Variants in DOCK1 observed in about 807,000 individuals in gnomAD.
DOCK1 encodes the protein dedicator of cytokinesis 1, also known as dedicator of cytokinesis protein 1.
A neutral mutation model predicts 262.7 loss-of-function variants in DOCK1; 138 were observed. That is an observed-to-expected ratio of 0.53 (90% CI 0.46 to 0.61). The LOEUF is 0.61. DOCK1 is among the 20% of genes least tolerant of loss of function. The probability of loss-of-function intolerance (pLI) is 0.00; values close to 1 mark genes in which losing one functional copy is unlikely to be tolerated. For missense variants in DOCK1, 1,908 were observed against 2,370.7 expected (o/e 0.80, Z 4.05); for synonymous variants, 866 against 867.4 (o/e 1.00, Z 0.03).
At chr10:127,419,343 G>A (rs753841152) in intron 45 of DOCK1, among the ~76,000 whole-genome samples, 13 of 152,192 alleles carry the variant, frequency 8.5e-5, no homozygotes, top group Non-Finnish European at 1.8e-4. Context: ...GGCTAGGCAG[G>A]AGGCATGGGC....
intron 10 of DOCK1, among the ~76,000 whole-genome samples, chr10:127,004,972 AT>A (rs1236744984): frequency 1.3e-5 from 2 of 151,716 alleles, no homozygotes; most frequent in African/African-American, 4.8e-5. Context: ...CATCTGGGGA[AT>A]TTTTTTTAAT....
chr10:127,052,831 C>T lies in DOCK1; in HGVS notation c.2336+16C>T. The T allele has an allele frequency of 3.7e-6, 6 of 1,601,744 alleles. No homozygotes were observed. The highest frequency in any genetic ancestry group is 1.7e-4 in the Middle Eastern group (1 of 6,012). ...TGTTCAATCAGTGCGTACCTATCCC[C>T]TCCATGCCCGGGCTCTCAGAGGACT... On this transcript the variant is annotated intron_variant, in intron 22 of 51. Coordinates refer to ENST00000623213, the MANE Select transcript of DOCK1 (RefSeq NM_001290223.2).
chr10:127,452,435 T>TA lies in DOCK1; in HGVS notation c.*1009dup, dbSNP rs2071024157. 1 of 152,686 alleles carries TA rather than the reference T, an allele frequency of 6.5e-6. No homozygotes were observed. The highest frequency in any genetic ancestry group is 2.4e-5 in the African/African-American group (1 of 41,470). 9.5% of individuals were successfully genotyped at this position (152,686 alleles called of 1,614,324 possible). A position where few individuals can be genotyped will look rare whatever the true frequency, so the allele number is the denominator to read the frequency against. ...TTGTATTCTCTCATCTATATTTTTT[T>TA]ATTCACTATAATCATGATACTCTTC... On this transcript the variant is annotated 3_prime_UTR_variant, in exon 52 of 52. Coordinates refer to ENST00000623213, the MANE Select transcript of DOCK1 (RefSeq NM_001290223.2).
intron 32 of DOCK1, among the ~76,000 whole-genome samples, chr10:127,360,190 G>T (rs2064343608): frequency 6.6e-6 from 1 of 152,208 alleles, no homozygotes; most frequent in Admixed American, 6.5e-5. Flanking sequence ...GGCAGTGAAA[G>T]AAGCTTGGCA....
intron 33 of DOCK1, among the ~76,000 whole-genome samples, chr10:127,364,091 G>A (rs1309058600): frequency 6.6e-6 from 1 of 152,190 alleles, no homozygotes; most frequent in Non-Finnish European, 1.5e-5. Context: ...GGTGTTTGTG[G>A]AGTGCAGGGG....
chr10:127,010,868 G>T (rs1428757301), intron 11 of DOCK1, among the ~76,000 whole-genome samples: 1 of 152,212 alleles, frequency 6.6e-6, no homozygotes, highest in East Asian at 1.9e-4. Flanking sequence ...AGAGGTTCTT[G>T]ATGCCCAGAT....
At chr10:126,968,382 G>A (rs2037836988) in intron 1 of DOCK1, among the ~76,000 whole-genome samples, 1 of 152,148 alleles carries the variant, frequency 6.6e-6, no homozygotes, top group Admixed American at 6.5e-5. Context: ...ATGATTTGGG[G>A]CCATGTGCAT....
intron 1 of DOCK1, among the ~76,000 whole-genome samples, chr10:126,948,556 G>T (rs1258279861): frequency 6.6e-6 from 1 of 151,910 alleles, no homozygotes; most frequent in African/African-American, 2.4e-5. Flanking sequence ...TTTACGTGGG[G>T]TGGGGTCGGG....
intron 44 of DOCK1, among the ~76,000 whole-genome samples, chr10:127,416,069 T>C (rs1276581937): frequency 6.6e-6 from 1 of 152,214 alleles, no homozygotes; most frequent in African/African-American, 2.4e-5. Flanking sequence ...CAGCTGCGTG[T>C]CCAGCGCCGA....
At chr10:127,042,925 A>G in intron 20 of DOCK1, 139 bp from the exon 21 acceptor site, 5 of 841,314 alleles carry the variant, frequency 5.9e-6, no homozygotes, top group Non-Finnish European at 9.2e-6. Context: ...TAGGGTAAGA[A>G]AAGGTAAACT....
At chr10:127,292,532 CAG>C in intron 29 of DOCK1, among the ~76,000 whole-genome samples, 1 of 152,228 alleles carries the variant, frequency 6.6e-6, no homozygotes, top group East Asian at 1.9e-4. Context: ...GAGGAGCAAA[CAG>C]GGGCCTTGGG....
At chr10:127,300,460 C>G (rs1440987244) in intron 29 of DOCK1, among the ~76,000 whole-genome samples, 1 of 152,158 alleles carries the variant, frequency 6.6e-6, no homozygotes, top group Non-Finnish European at 1.5e-5. Context: ...GACAGCTGCC[C>G]CTTTCCAGGA....
intron 29 of DOCK1, among the ~76,000 whole-genome samples, chr10:127,300,912 C>G (rs893092092): frequency 1.3e-5 from 2 of 152,316 alleles, no homozygotes; most frequent in East Asian, 3.9e-4. Context: ...AACCCCACCA[C>G]GAGGCCGGCA....
intron 43 of DOCK1, among the ~76,000 whole-genome samples, chr10:127,412,829 G>T (rs899623489): frequency 6.6e-6 from 1 of 152,232 alleles, no homozygotes; most frequent in African/African-American, 2.4e-5. Flanking sequence ...TCACCAAGGA[G>T]CACAAAGGAG....
At chr10:126,958,716 A>G (rs2036951365) in intron 1 of DOCK1, among the ~76,000 whole-genome samples, 1 of 152,162 alleles carries the variant, frequency 6.6e-6, no homozygotes, top group African/African-American at 2.4e-5. Flanking sequence ...TTGGGGACCT[A>G]TGAGGAATCT....
chr10:127,197,135 A>G (rs1380095667), intron 27 of DOCK1, among the ~76,000 whole-genome samples: 1 of 152,078 alleles, frequency 6.6e-6, no homozygotes, highest in Admixed American at 6.5e-5. Context: ...AGGAGGTCCT[A>G]TGAGTGGCCT....
chr10:127,312,469 G>A (rs2062097340), intron 29 of DOCK1, among the ~76,000 whole-genome samples: 2 of 152,158 alleles, frequency 1.3e-5, no homozygotes, highest in Admixed American at 1.3e-4. Flanking sequence ...AAGTCCCCAT[G>A]GATAGGAAAG....
At chr10:127,229,567 C>T (rs775586745) in intron 27 of DOCK1, among the ~76,000 whole-genome samples, 2 of 152,046 alleles carry the variant, frequency 1.3e-5, no homozygotes, top group Non-Finnish European at 2.9e-5. Flanking sequence ...ATGGTATTTC[C>T]ACCTTTTTTA....
intron 27 of DOCK1, among the ~76,000 whole-genome samples, chr10:127,132,941 G>C (rs2133164571): frequency 6.6e-6 from 1 of 152,284 alleles, no homozygotes; most frequent in East Asian, 1.9e-4. Flanking sequence ...GACAGAAGTG[G>C]GCATAGGGAA....
Sources: gnomAD v4.1 joint callset for allele counts (sites outside exome capture counted in the v4.1 genomes callset) on GRCh38, gnomAD v4.1.1 for gene constraint, MANE v1.5 for transcripts, NCBI Gene and HGNC (gene_info 2026-07-23, HGNC 2026-07-21) for gene names.